Variants in SYN2 observed in about 807,000 individuals in gnomAD.
SYN2 encodes synapsin II.
Under a neutral mutation model 50.9 loss-of-function variants are expected in SYN2, and 19 were observed. The observed-to-expected ratio is 0.37, with a 90% confidence interval of 0.26 to 0.55. The LOEUF (loss-of-function observed/expected upper bound fraction) is 0.55. SYN2 is among the 20% of genes least tolerant of loss of function. The pLI is 0.81. For missense variants in SYN2, 587 were observed against 576.4 expected (o/e 1.02, Z -0.19); for synonymous variants, 255 against 224.9 (o/e 1.13, Z -1.20).
At chr3:12,069,862 A>G (rs911372452) in intron 1 of SYN2, among the ~76,000 whole-genome samples, 1 of 149,660 alleles carries the variant, frequency 6.7e-6, no homozygotes, top group Non-Finnish European at 1.5e-5. Context: ...GATGGAGTGT[A>G]GTGGCATGGT....
At chr3:12,144,494 T>C (rs1697100316) in intron 3 of SYN2, among the ~76,000 whole-genome samples, 1 of 152,166 alleles carries the variant, frequency 6.6e-6, no homozygotes, top group Admixed American at 6.5e-5. Flanking sequence ...AAGTACTGTC[T>C]GTTGTCTTCA....
At chr3:12,017,078 TTTAGA>T in intron 1 of SYN2, among the ~76,000 whole-genome samples, 1 of 151,956 alleles carries the variant, frequency 6.6e-6, no homozygotes, top group East Asian at 1.9e-4. Context: ...AAGAATGGGA[TTTAGA>T]TTAGTGAGGT....
At chr3:12,181,151 C>A (rs895173613) in intron 10 of SYN2, among the ~76,000 whole-genome samples, 1 of 152,178 alleles carries the variant, frequency 6.6e-6, no homozygotes, top group African/African-American at 2.4e-5. Flanking sequence ...GCTTTTGTGC[C>A]CACTGGCCCT....
At chr3:12,046,564 C>T (rs945433785) in intron 1 of SYN2, among the ~76,000 whole-genome samples, 1 of 152,062 alleles carries the variant, frequency 6.6e-6, no homozygotes, top group Non-Finnish European at 1.5e-5. Context: ...TTAGATGTTC[C>T]TTTTGATATT....
At chr3:12,156,982 T>C (rs1449208180) in intron 5 of SYN2, 1 of 1,370,420 alleles carries the variant, frequency 7.3e-7, no homozygotes. Context: ...GTGAGTGTAC[T>C]GTATATATTA....
At chr3:12,173,430 A>G (rs1697981367) in intron 10 of SYN2, among the ~76,000 whole-genome samples, 1 of 151,920 alleles carries the variant, frequency 6.6e-6, no homozygotes, top group Non-Finnish European at 1.5e-5. Flanking sequence ...CTCACCCTCC[A>G]CTTGTGACCT....
Position 12,099,702 on chromosome 3 carries a change from C to T in SYN2, c.378-40949C>T, listed in dbSNP as rs570703036. ...AAGGTAGGCTGGGCGCAATGGCTCA[C>T]GCCTGTAATCCCAGCACTTTGGGAG... On this transcript the variant is annotated intron_variant, in intron 1 of 12. Coordinates refer to ENST00000621198, the MANE Select transcript of SYN2 (RefSeq NM_133625.6). 3.3e-5 allele frequency among the ~76,000 whole-genome samples: 5 copies of T among 152,066 alleles called. No individual in the cohort carries two copies. In the South Asian group the frequency reaches 6.2e-4, roughly 19 times the overall value.
chr3:12,046,456 A>T (rs182278990), intron 1 of SYN2, among the ~76,000 whole-genome samples: 21 of 152,362 alleles, frequency 1.4e-4, no homozygotes, highest in Non-Finnish European at 2.2e-4. Flanking sequence ...ACAGAGGTTC[A>T]TGCAGAGGCT....
rs796837275 is a variant in SYN2 at position 12,104,570 on chromosome 3, C to CTTTTTTTTTT, written c.378-36068_378-36059dup. 2.0e-3 allele frequency among the ~76,000 whole-genome samples: 163 copies of CTTTTTTTTTT among 81,742 alleles called. 1 individual carries two copies. The highest frequency in any genetic ancestry group is 2.7e-3 in the Admixed American group (13 of 4,748). 53.6% of individuals were successfully genotyped at this position (81,742 alleles called of 152,430 possible). A position where few individuals can be genotyped will look rare whatever the true frequency, so the allele number is the denominator to read the frequency against. On this transcript the variant is annotated intron_variant, in intron 1 of 12. Transcript: ENST00000621198. ...ATGTGAAACATTTTTCTTTTCTTTT[C>CTTTTTTTTTT]TTTTTTTTTTTTTTTTTTTTTTGAG...
At chr3:12,154,562 C>A in intron 5 of SYN2, 1 of 1,244,228 alleles carries the variant, frequency 8.0e-7, no homozygotes. Context: ...ACTTTGGTGG[C>A]AGTGGTGGCA....
chr3:12,019,161 C>T lies in SYN2; in HGVS notation c.377+14233C>T, dbSNP rs566471710. On this transcript the variant is annotated intron_variant, in intron 1 of 12. Coordinates refer to ENST00000621198, the MANE Select transcript of SYN2 (RefSeq NM_133625.6). ...CTTATTTGCCAGTGCAAGAAATAGTCTGGGAGATTTTTAGATGCTGAAATG... is the reference window on the plus strand; with the variant it reads ...CTTATTTGCCAGTGCAAGAAATAGTTTGGGAGATTTTTAGATGCTGAAATG... 5.9e-4 allele frequency among the ~76,000 whole-genome samples: 90 copies of T among 152,272 alleles called. 1 individual carries two copies. Among genetic ancestry groups the T allele is most frequent in the African/African-American group, 2.1e-3 (86 of 41,554 alleles).
intron 1 of SYN2, among the ~76,000 whole-genome samples, chr3:12,056,209 TTAAGAATA>T (rs2125158783): frequency 6.6e-6 from 1 of 152,176 alleles, no homozygotes; most frequent in East Asian, 1.9e-4. Context: ...ACTGTAGTGT[TTAAGAATA>T]TACACTTGAA....
Position 12,095,286 on chromosome 3 carries a change from C to T in SYN2, c.378-45365C>T, listed in dbSNP as rs13081088. 4.0e-3 allele frequency among the ~76,000 whole-genome samples: 603 copies of T among 150,724 alleles called. 2 individuals are homozygous for T. Among genetic ancestry groups the T allele is most frequent in the African/African-American group, 4.8e-3 (199 of 41,048 alleles). On this transcript the variant is annotated intron_variant, in intron 1 of 12. Transcript: ENST00000621198. ...CAGGCTGGGAGCAGTGACTAAAGCC[C>T]GTAATCCTAGCACATTGGGAGGCCG...
intron 1 of SYN2, among the ~76,000 whole-genome samples, chr3:12,058,900 G>A (rs1444134076): frequency 6.6e-6 from 1 of 152,138 alleles, no homozygotes; most frequent in Admixed American, 6.5e-5. Context: ...CCAACTTCTA[G>A]GGATAGCACT....
intron 1 of SYN2, among the ~76,000 whole-genome samples, chr3:12,047,174 T>A (rs1694758365): frequency 6.6e-6 from 1 of 152,204 alleles, no homozygotes; most frequent in Admixed American, 6.5e-5. Context: ...AGTGTGAGTT[T>A]CCTTTAAGAG....
chr3:12,044,160 T>TTCTC (rs150236284), intron 1 of SYN2, among the ~76,000 whole-genome samples: 21,354 of 135,268 alleles, frequency 0.16, 2,254 homozygotes, highest in East Asian at 0.52. Context: ...GAAGGCAAAG[T>TTCTC]TCTCTCTCTC....
rs572884361 is a variant in SYN2, at chr3:12,151,129, A to G, written c.685-108A>G. ...CTTTTATATCCTCACAATGCTTAGC[A>G]TAAAGTCCTCCACAGAGCAAATGCT... On this transcript the variant is annotated intron_variant, in intron 4 of 12. Coordinates refer to ENST00000621198, the MANE Select transcript of SYN2 (RefSeq NM_133625.6). 6.4e-5 allele frequency: 49 copies of G among 766,326 alleles called. 2 individuals carry two copies. Among genetic ancestry groups the G allele is most frequent in the South Asian group, 5.4e-4 (34 of 63,060 alleles). 47.5% of individuals were successfully genotyped at this position (766,326 alleles called of 1,614,324 possible).
intron 10 of SYN2, among the ~76,000 whole-genome samples, chr3:12,175,438 G>A (rs751323058): frequency 1.3e-5 from 2 of 152,198 alleles, no homozygotes; most frequent in Non-Finnish European, 2.9e-5. Flanking sequence ...CTTGCTCACA[G>A]GCATTGTCAC....
intron 1 of SYN2, among the ~76,000 whole-genome samples, chr3:12,023,999 C>G (rs1332139681): frequency 6.6e-6 from 1 of 151,960 alleles, no homozygotes; most frequent in African/African-American, 2.4e-5. Context: ...TTTAAAAAAT[C>G]AAAGTATAAA....
Sources: allele counts gnomAD v4.1 joint callset (sites outside exome capture counted in the v4.1 genomes callset), GRCh38; gene constraint gnomAD v4.1.1; transcripts MANE v1.5; gene names NCBI Gene and HGNC (gene_info 2026-07-23, HGNC 2026-07-21).